The following YIPF5 variants were observed in gnomAD, a reference collection of about 807,000 sequenced individuals.
YIPF5 encodes protein YIPF5.
YIPF5 carries 8 observed loss-of-function variants against 30.4 expected under a neutral mutation model. The observed-to-expected ratio is 0.26, with a 90% CI of 0.15 to 0.47. The LOEUF is 0.47. Ranked by LOEUF, YIPF5 falls within the 20% of genes least tolerant of loss-of-function variation. YIPF5 has a pLI of 0.99. For missense variants in YIPF5, 282 were observed against 301.8 expected, an observed-to-expected ratio of 0.93 and a Z score of 0.49; for synonymous variants, 104 against 107.9, an observed-to-expected ratio of 0.96 and a Z score of 0.23.
chr5:144,160,274 G>T lies in YIPF5; in HGVS notation c.*123C>A. ...CAAGAGATACACGTTTACTTTCATT[G>T]CTCCAACAGTCAAATGTAAATCTGC... On this transcript the variant is annotated 3_prime_UTR_variant, in exon 6 of 6. Transcript: ENST00000274496. 1 of 1,495,992 alleles carries T rather than the reference G, an allele frequency of 6.7e-7. No homozygotes were observed. Among genetic ancestry groups the T allele is most frequent in the East Asian group, 2.3e-5 (1 of 43,694 alleles). The allele number at this position is 1,495,992 out of a possible 1,614,324, so 92.7% of individuals were successfully genotyped here. A position where few individuals can be genotyped will look rare whatever the true frequency, so the allele number is the denominator to read the frequency against.
intron 4 of YIPF5, among the ~76,000 whole-genome samples, chr5:144,163,555 T>A (rs1752111313): frequency 6.6e-6 from 1 of 152,190 alleles, no homozygotes; most frequent in East Asian, 1.9e-4. Flanking sequence ...AAAAATCCCA[T>A]CTTCCGTATA....
intron 3 of YIPF5, 58 bp from the exon 4 acceptor site, chr5:144,164,314 C>G: frequency 1.4e-6 from 2 of 1,472,998 alleles, no homozygotes; most frequent in Non-Finnish European, 1.9e-6. Flanking sequence ...TTTAATTCAT[C>G]AAAATCTATC....
intron 4 of YIPF5, among the ~76,000 whole-genome samples, chr5:144,162,691 T>C (rs1199891354): frequency 6.6e-6 from 1 of 152,148 alleles, no homozygotes; most frequent in African/African-American, 2.4e-5. Context: ...TAGTAAGATT[T>C]CTAAAAAGAA....
chr5:144,170,147 A>T lies in YIPF5; in HGVS notation c.-10-182T>A, dbSNP rs1862140. The T allele has an allele frequency of 1.5e-5, 9 of 590,724 alleles. No individual in the cohort carries two copies. The East Asian group carries it at 1.7e-4, about 11-fold the overall frequency. 36.6% of individuals were successfully genotyped at this position (590,724 alleles called of 1,614,324 possible). A position where few individuals can be genotyped will look rare whatever the true frequency, so the allele number is the denominator to read the frequency against. On this transcript the variant is annotated intron_variant, in intron 1 of 5. Transcript: ENST00000274496. ...TAGCGGAGAGAGAGTAAGAAAATGT[A>T]TATTCTTTTAAGTTGCGGCCCAGTA... is the stretch of plus-strand genomic sequence containing the variant.
chr5:144,161,552 G>C (rs1752046817), intron 5 of YIPF5, among the ~76,000 whole-genome samples: 1 of 151,898 alleles, frequency 6.6e-6, no homozygotes, highest in Non-Finnish European at 1.5e-5. Context: ...CTTCATGCTG[G>C]TCAGGCTGGT....
chr5:144,170,195 T>A (rs1454961841), intron 1 of YIPF5: 1 of 514,346 alleles, frequency 1.9e-6, no homozygotes, highest in Non-Finnish European at 3.5e-6. Flanking sequence ...CTTAAAGAGC[T>A]GATATGCCTT....
At chr5:144,160,585 G>C in intron 5 of YIPF5, 26 bp from the exon 6 acceptor site, 4 of 1,571,562 alleles carry the variant, frequency 2.5e-6, no homozygotes, top group Non-Finnish European at 3.5e-6. Context: ...AAAAAGGGGG[G>C]AGAAGAAAAA....
At chr5:144,161,333 C>CTTTT (rs57703406) in intron 5 of YIPF5, among the ~76,000 whole-genome samples, 5 of 64,684 alleles carry the variant, frequency 7.7e-5, no homozygotes, top group Non-Finnish European at 1.1e-4. Flanking sequence ...CCTTTCCTTC[C>CTTTT]TTTTTTTTTT....
chr5:144,159,529 T>C lies in YIPF5; in HGVS notation c.*868A>G. On this transcript the variant is annotated 3_prime_UTR_variant, in exon 6 of 6. Transcript: ENST00000274496. ...GTAGATTGTGAACTTCCCGTATCTC[T>C]GAATTTTAGCAAAAATTCCATGAGA... 7 of 985,406 alleles carry C rather than the reference T, an allele frequency of 7.1e-6. No individual in the cohort carries two copies. Among genetic ancestry groups the C allele is most frequent in the Non-Finnish European group, 8.4e-6 (7 of 829,914 alleles). 61.0% of individuals were successfully genotyped at this position (985,406 alleles called of 1,614,324 possible). A position where few individuals can be genotyped will look rare whatever the true frequency, so the allele number is the denominator to read the frequency against.
At chr5:144,167,855 C>A (rs529268786) in intron 2 of YIPF5, among the ~76,000 whole-genome samples, 1 of 152,126 alleles carries the variant, frequency 6.6e-6, no homozygotes, top group Non-Finnish European at 1.5e-5. Context: ...AAGTTATTAG[C>A]GGATCTTTGT....
In YIPF5 at chr5:144,158,945, C is replaced by T; in HGVS notation, c.*1452G>A. On this transcript the variant is annotated 3_prime_UTR_variant, in exon 6 of 6. Transcript: ENST00000274496. ...AAAAAAAAAGGCAGTATTTTCCTCCCTGTACCATATCTTTCTCGTAACTAT... is the reference window on the plus strand; with the variant it reads ...AAAAAAAAAGGCAGTATTTTCCTCCTTGTACCATATCTTTCTCGTAACTAT... 1.0e-6 allele frequency: 1 copy of T among 984,314 alleles called. No homozygotes were observed. Among genetic ancestry groups the T allele is most frequent in the Non-Finnish European group, 1.2e-6 (1 of 830,270 alleles). 61.0% of individuals were successfully genotyped at this position (984,314 alleles called of 1,614,324 possible).
chr5:144,169,175 G>C (rs1193522392), intron 2 of YIPF5, among the ~76,000 whole-genome samples: 1 of 152,140 alleles, frequency 6.6e-6, no homozygotes, highest in East Asian at 1.9e-4. Flanking sequence ...TGATGTTTTA[G>C]GTGAGATTGC....
chr5:144,164,375 T>C, intron 3 of YIPF5, 119 bp from the exon 4 acceptor site: 2 of 827,958 alleles, frequency 2.4e-6, no homozygotes, highest in South Asian at 2.0e-5. Flanking sequence ...CTAGCAATAT[T>C]GGATGATATT....
rs944735379 is a variant in YIPF5, at chr5:144,158,858, A to G, written c.*1539T>C. 1.5e-4 allele frequency: 144 copies of G among 984,538 alleles called. No individual in the cohort carries two copies. The highest frequency in any genetic ancestry group is 1.6e-4 in the Non-Finnish European group (135 of 829,212). 61.0% of individuals were successfully genotyped at this position (984,538 alleles called of 1,614,324 possible). ...TTTTTATGCTTTGAAAACTTGTTCT[A>G]AAAAAGAACCATTGATACATCATTT... is the stretch of plus-strand genomic sequence containing the variant. On this transcript the variant is annotated 3_prime_UTR_variant, in exon 6 of 6. Coordinates refer to ENST00000274496, the MANE Select transcript of YIPF5 (RefSeq NM_030799.9).
In YIPF5 at chr5:144,160,529, C is replaced by A. The variant is rs140887787; in HGVS notation, c.642G>T (p.Gly214=). 161 of 1,613,794 alleles carry A rather than the reference C, an allele frequency of 1.0e-4. No homozygotes were observed. In the East Asian group the frequency reaches 3.5e-3, roughly 36 times the overall value. ...QGMVGIILTA[G]IIGWCSFSAS... is the part of the protein sequence containing the mutation. ...CAGAAAAACTACACCATCCAATAAT[C>A]CCAGCAGTGAGAATGATTCCTACCA... Residue 214 remains glycine, a synonymous_variant, in exon 6 of 6, where the codon GGG becomes GGT. Transcript: ENST00000274496.
chr5:144,158,943 C>A lies in YIPF5; in HGVS notation c.*1454G>T, dbSNP rs758755186. ...AAAAAAAAAAAGGCAGTATTTTCCT[C>A]CCTGTACCATATCTTTCTCGTAACT... On this transcript the variant is annotated 3_prime_UTR_variant, in exon 6 of 6. Coordinates refer to ENST00000274496, the MANE Select transcript of YIPF5 (RefSeq NM_030799.9). 1.1e-5 allele frequency: 11 copies of A among 983,664 alleles called. No homozygotes were observed. The highest frequency in any genetic ancestry group is 1.3e-5 in the Non-Finnish European group (11 of 830,294). The allele number at this position is 983,664 out of a possible 1,614,324, so 60.9% of individuals were successfully genotyped here. A position where few individuals can be genotyped will look rare whatever the true frequency, so the allele number is the denominator to read the frequency against.
Position 144,159,988 on chromosome 5 carries a change from G to C in YIPF5, c.*409C>G. The C allele has an allele frequency of 1.0e-6, 1 of 987,256 alleles. No homozygotes were observed. The allele number at this position is 987,256 out of a possible 1,614,324, so 61.2% of individuals were successfully genotyped here. ...CTCCCAAAGTGCTGGGATTACAGGC[G>C]TGAGCTACCACGCCCGGCCGTCTTG... On this transcript the variant is annotated 3_prime_UTR_variant, in exon 6 of 6. Coordinates refer to ENST00000274496, the MANE Select transcript of YIPF5 (RefSeq NM_030799.9).
In YIPF5 at chr5:144,160,101, A is replaced by G. The variant is rs567883771; in HGVS notation, c.*296T>C. ...CACAGTTGATAAAAATCTATCAAAA[A>G]CATTATAATTTGCAAGGAAAAAGGT... On this transcript the variant is annotated 3_prime_UTR_variant, in exon 6 of 6. Coordinates refer to ENST00000274496, the MANE Select transcript of YIPF5 (RefSeq NM_030799.9). 1.1e-5 allele frequency: 12 copies of G among 1,063,940 alleles called. No individual in the cohort carries two copies. The Admixed American group carries it at 5.8e-4, about 51-fold the overall frequency. 65.9% of individuals were successfully genotyped at this position (1,063,940 alleles called of 1,614,324 possible).
intron 2 of YIPF5, among the ~76,000 whole-genome samples, chr5:144,167,692 G>T (rs576156701): frequency 2.8e-4 from 43 of 152,020 alleles, no homozygotes; most frequent in Non-Finnish European, 4.7e-4. Context: ...AATGATACTT[G>T]TGAAACACCT....
Sources: allele counts gnomAD v4.1 joint callset (sites outside exome capture counted in the v4.1 genomes callset), GRCh38; gene constraint gnomAD v4.1.1; transcripts MANE v1.5; gene names NCBI Gene and HGNC (gene_info 2026-07-23, HGNC 2026-07-21).